EP300: variants seen among roughly 807,000 people sequenced by gnomAD.
EP300 encodes EP300 lysine acetyltransferase.
EP300 carries 31 observed loss-of-function variants against 264.0 expected under a neutral mutation model. The ratio of observed to expected loss-of-function variants is 0.12; its 90% CI spans 0.09 to 0.16. EP300 has a LOEUF of 0.16. Among genes scored for constraint, EP300 ranks in the 10% least tolerant of loss-of-function variants. The probability of loss-of-function intolerance (pLI) is 1.00; values close to 1 mark genes in which losing one functional copy is unlikely to be tolerated. For synonymous variants in EP300, 1,340 were observed against 1,045.4 expected (o/e 1.28, Z -5.44); for missense variants, 2,766 against 3,052.9 (o/e 0.91, Z 2.21).
chr22:41,150,548 T>A (rs1180847699), intron 14 of EP300, among the ~76,000 whole-genome samples: 2 of 152,152 alleles, frequency 1.3e-5, no homozygotes, highest in African/African-American at 4.8e-5. Flanking sequence ...ATTTAAGGAA[T>A]CTTTTTCAAA....
chr22:41,093,694 G>A (rs1409305260), intron 1 of EP300, among the ~76,000 whole-genome samples: 1 of 152,020 alleles, frequency 6.6e-6, no homozygotes, highest in Non-Finnish European at 1.5e-5. Flanking sequence ...TTTGCTTTAA[G>A]AATCAATATG....
intron 1 of EP300, among the ~76,000 whole-genome samples, chr22:41,110,092 A>T (rs2145687372): frequency 7.4e-6 from 1 of 135,326 alleles, no homozygotes. Flanking sequence ...TACAGGTGTG[A>T]CCCACTGTGC....
intron 1 of EP300, among the ~76,000 whole-genome samples, chr22:41,093,897 C>G (rs1186845656): frequency 6.6e-6 from 1 of 152,178 alleles, no homozygotes; most frequent in Non-Finnish European, 1.5e-5. Context: ...TGAAAGAGTT[C>G]CAATCATGAA....
In EP300 at chr22:41,092,839, C is replaced by T. The variant is rs767108253; in HGVS notation, c.-166C>T. On this transcript the variant is annotated 5_prime_UTR_variant, in exon 1 of 31. Coordinates refer to ENST00000263253, the MANE Select transcript of EP300 (RefSeq NM_001429.4). The stretch of plus-strand genomic sequence containing the variant: ...TTTTCTATCGAGTCCGCATCCCTCT[C>T]CAGCCACTGCGACCCGGCGAAGAGA... 9 of 775,850 alleles carry T rather than the reference C, an allele frequency of 1.2e-5. No individual in the cohort carries two copies. Among genetic ancestry groups the T allele is most frequent in the Non-Finnish European group, 2.1e-5 (9 of 437,204 alleles). The allele number at this position is 775,850 out of a possible 1,614,324, so 48.1% of individuals were successfully genotyped here.
At chr22:41,115,870 A>G (rs771297877) in intron 1 of EP300, among the ~76,000 whole-genome samples, 8 of 152,198 alleles carry the variant, frequency 5.3e-5, no homozygotes, top group Non-Finnish European at 1.0e-4. Context: ...CAGGTACTAT[A>G]TAGGAACTTG....
At position 41,177,308 on chromosome 22, in the gene EP300, C is replaced by A. The variant is rs763290593; in HGVS notation, c.5597C>A (p.Pro1866Gln). The A allele has an allele frequency of 6.2e-7, 1 of 1,614,074 alleles. No homozygotes were observed. The highest frequency in any genetic ancestry group is 8.5e-7 in the Non-Finnish European group (1 of 1,180,016). ...CCAACTGGCCAACAGCCAACCACCCCGCAGACGCCCCAGCCCACTTCTCAG... is the reference window on the plus strand; with the variant it reads ...CCAACTGGCCAACAGCCAACCACCCAGCAGACGCCCCAGCCCACTTCTCAG... ...TTPTGQQPTT[P>Q]QTPQPTSQPQ... The change falls in exon 31 of 31, where the codon CCG becomes CAG. Residue 1866 changes from proline (P) to glutamine (Q), a missense_variant. Coordinates refer to ENST00000263253, the MANE Select transcript of EP300 (RefSeq NM_001429.4).
intron 4 of EP300, among the ~76,000 whole-genome samples, chr22:41,128,906 G>A (rs1358050781): frequency 2.6e-5 from 4 of 152,262 alleles, no homozygotes; most frequent in East Asian, 1.9e-4. Flanking sequence ...GGTAAAGGTC[G>A]TCTTGGCTGC....
intron 18 of EP300, among the ~76,000 whole-genome samples, chr22:41,157,697 G>C (rs1197516520): frequency 6.6e-6 from 1 of 151,364 alleles, no homozygotes; most frequent in Non-Finnish European, 1.5e-5. Context: ...TTTTAAATTT[G>C]TTTTGTAGAA....
In EP300 at chr22:41,157,425, A is replaced by G. The variant is rs774004879; in HGVS notation, c.3501+17A>G. On this transcript the variant is annotated intron_variant, in intron 18 of 30. Transcript: ENST00000263253. ...GGCAGAAAGGTAAGAAATGTGTTTC[A>G]GATTTGACTTTAACTTTTCTGGGAT... 6.8e-6 allele frequency: 11 copies of G among 1,612,040 alleles called. No homozygotes were observed. Among genetic ancestry groups the G allele is most frequent in the Non-Finnish European group, 9.3e-6 (11 of 1,179,374 alleles).
Position 41,178,423 on chromosome 22 carries a change from A to G in EP300, c.6712A>G (p.Asn2238Asp), listed in dbSNP as rs759095488. The change falls in exon 31 of 31, where the codon AAT (asparagine) becomes GAT (aspartate). Residue 2238 changes from asparagine (N) to aspartate (D), a missense_variant. Transcript: ENST00000263253. ...TCACATGCAACAGATGCAACAAGGA[A>G]ATATGGGACAGATAGGCCAGCTTCC... Reference protein sequence around the residue: ...QHHMQQMQQGNMGQIGQLPQA... With the variant: ...QHHMQQMQQGDMGQIGQLPQA... The G allele has an allele frequency of 1.1e-5, 17 of 1,614,012 alleles. No homozygotes were observed. The highest frequency in any genetic ancestry group is 1.7e-5 in the Admixed American group (1 of 59,996).
Position 41,092,950 on chromosome 22 carries a change from A to C in EP300, c.-55A>C. 177 of 1,585,818 alleles carry C rather than the reference A, an allele frequency of 1.1e-4. No homozygotes were observed. Among genetic ancestry groups the C allele is most frequent in the Non-Finnish European group, 1.4e-4 (158 of 1,154,518 alleles). The stretch of plus-strand genomic sequence containing the variant: ...CGGCGCGGGGACCCCGGGCCGAAGA[A>C]GAGATTTCCTGAGGATTCTGGTTTT... On this transcript the variant is annotated 5_prime_UTR_variant, in exon 1 of 31. Coordinates refer to ENST00000263253, the MANE Select transcript of EP300 (RefSeq NM_001429.4).
rs370810144 is a variant in EP300 at position 41,150,147 on chromosome 22, G to A, written c.2766G>A (p.Ala922=). 5.6e-5 allele frequency: 90 copies of A among 1,611,896 alleles called. No homozygotes were observed. Among genetic ancestry groups the A allele is most frequent in the Non-Finnish European group, 7.0e-5 (83 of 1,179,874 alleles). ...QQPRSQQSTA[A]SVPTPTAPLL... ...CTCGCTCACAGCAGAGCACAGCAGC[G>A]TCTGTTCCTACCCCAACAGCACCGC... The change falls in exon 14 of 31, where the codon GCG becomes GCA. Residue 922 remains alanine, a synonymous_variant. Coordinates refer to ENST00000263253, the MANE Select transcript of EP300 (RefSeq NM_001429.4).
rs376292667 is a variant in EP300 at position 41,179,073 on chromosome 22, CAT to C, written c.*119_*120del. 1.6e-6 allele frequency: 2 copies of C among 1,250,496 alleles called. No individual in the cohort carries two copies. Among genetic ancestry groups the C allele is most frequent in the Non-Finnish European group, 2.2e-6 (2 of 891,094 alleles). The allele number at this position is 1,250,496 out of a possible 1,614,324, so 77.5% of individuals were successfully genotyped here. ...CTAAAAGACAATTTTCCTTGGAACA[CAT>C]AAGAACTGTGCAGTAGCCGTTTGTG... On this transcript the variant is annotated 3_prime_UTR_variant, in exon 31 of 31. Coordinates refer to ENST00000263253, the MANE Select transcript of EP300 (RefSeq NM_001429.4).
At chr22:41,146,047 C>G (rs1449232098) in intron 10 of EP300, among the ~76,000 whole-genome samples, 1 of 152,044 alleles carries the variant, frequency 6.6e-6, no homozygotes, top group Non-Finnish European at 1.5e-5. Context: ...GCTACATGAT[C>G]AAATTCGGCC....
chr22:41,127,234 A>G (rs1265157461), intron 3 of EP300, among the ~76,000 whole-genome samples: 2 of 151,774 alleles, frequency 1.3e-5, no homozygotes, highest in Non-Finnish European at 2.9e-5. Flanking sequence ...GGAGTTTACC[A>G]TGTCCTTCTC....
intron 29 of EP300, chr22:41,175,997 ATCACT>A: frequency 1.9e-6 from 1 of 524,264 alleles, no homozygotes; most frequent in Non-Finnish European, 3.5e-6. Flanking sequence ...AGGCAGGCAG[ATCACT>A]TGAGCTTAGG....
chr22:41,165,373 A>G (rs1022494074), intron 22 of EP300, among the ~76,000 whole-genome samples: 1 of 152,234 alleles, frequency 6.6e-6, no homozygotes, highest in Non-Finnish European at 1.5e-5. Flanking sequence ...CTTCCCACCC[A>G]GATTCCTCAC....
intron 11 of EP300, among the ~76,000 whole-genome samples, chr22:41,147,057 C>T: frequency 6.6e-6 from 1 of 152,144 alleles, no homozygotes; most frequent in Non-Finnish European, 1.5e-5. Context: ...GTAATCCCAG[C>T]ACTTTGGGAG....
At chr22:41,161,155 C>G (rs1248395746) in intron 20 of EP300, among the ~76,000 whole-genome samples, 1 of 152,170 alleles carries the variant, frequency 6.6e-6, no homozygotes, top group African/African-American at 2.4e-5. Context: ...TGATGACCAC[C>G]TTACACCCTT....
Sources: gnomAD v4.1 joint callset for allele counts (sites outside exome capture counted in the v4.1 genomes callset) on GRCh38, gnomAD v4.1.1 for gene constraint, MANE v1.5 for transcripts, NCBI Gene and HGNC (gene_info 2026-07-23, HGNC 2026-07-21) for gene names.